CPNE8: variants seen among roughly 807,000 people sequenced by gnomAD.
The protein encoded by CPNE8 is copine-8.
In CPNE8, 45 loss-of-function variants were observed where a neutral mutation model predicts 81.5. That is an observed-to-expected ratio of 0.55 (90% confidence interval 0.44 to 0.71). The LOEUF is 0.71. CPNE8 is among the 30% of genes least tolerant of loss of function. The pLI is 0.00. For synonymous variants in CPNE8, 252 were observed against 226.3 expected, an observed-to-expected ratio of 1.11 and a Z score of -1.02; for missense variants, 594 against 672.1, an observed-to-expected ratio of 0.88 and a Z score of 1.28.
intron 14 of CPNE8, among the ~76,000 whole-genome samples, chr12:38,694,791 T>C (rs1231216833): frequency 6.6e-6 from 1 of 152,180 alleles, no homozygotes; most frequent in Non-Finnish European, 1.5e-5. Flanking sequence ...TGTAGCAGCA[T>C]ATGAACCTCA....
chr12:38,723,121 G>A (rs2136744728), intron 13 of CPNE8, among the ~76,000 whole-genome samples: 1 of 152,198 alleles, frequency 6.6e-6, no homozygotes, highest in Admixed American at 6.5e-5. Flanking sequence ...AGCAGTGTGA[G>A]AACAGACTAA....
chr12:38,821,548 C>G (rs2137007518), intron 6 of CPNE8, among the ~76,000 whole-genome samples: 1 of 152,254 alleles, frequency 6.6e-6, no homozygotes, highest in African/African-American at 2.4e-5. Flanking sequence ...CATGTCACAC[C>G]AAGTCAGAAC....
intron 6 of CPNE8, among the ~76,000 whole-genome samples, chr12:38,785,679 C>G (rs1411938396): frequency 6.6e-6 from 1 of 152,146 alleles, no homozygotes; most frequent in Non-Finnish European, 1.5e-5. Flanking sequence ...ATAATTTACT[C>G]AAGCTCAGGT....
intron 3 of CPNE8, among the ~76,000 whole-genome samples, chr12:38,865,953 C>G (rs1943906834): frequency 6.6e-6 from 1 of 152,186 alleles, no homozygotes; most frequent in East Asian, 1.9e-4. Flanking sequence ...GTTTCTGCCT[C>G]TCTATATCCA....
rs867802462 is a variant in CPNE8, at chr12:38,905,506, C to T, written c.29G>A (p.Gly10Asp). Reference protein sequence around the residue: MDSRYNSTAGIGDLNQLSAA... With the variant: MDSRYNSTADIGDLNQLSAA... ...GCTCAGCTGGTTCAAGTCCCCGATGCCCGCAGTGCTGTTGTAGCGGCTGTC... is the reference window on the plus strand; with the variant it reads ...GCTCAGCTGGTTCAAGTCCCCGATGTCCGCAGTGCTGTTGTAGCGGCTGTC... The change falls in exon 1 of 20, where the codon GGC becomes GAC. Residue 10 changes from glycine (G) to aspartate (D), a missense_variant. Gly to Asp is a moderately conservative substitution (Grantham distance 94, BLOSUM62 -1). Transcript: ENST00000331366. The T allele has an allele frequency of 2.4e-5, 37 of 1,572,154 alleles. No individual in the cohort carries two copies. The highest frequency in any genetic ancestry group is 3.2e-5 in the Non-Finnish European group (37 of 1,158,576).
At chr12:38,813,814 C>T (rs1291045711) in intron 6 of CPNE8, among the ~76,000 whole-genome samples, 1 of 152,044 alleles carries the variant, frequency 6.6e-6, no homozygotes, top group South Asian at 2.1e-4. Context: ...TGAAAACTAT[C>T]GAGAGAGCCA....
intron 13 of CPNE8, among the ~76,000 whole-genome samples, chr12:38,707,159 T>C (rs1940128700): frequency 6.6e-6 from 1 of 151,766 alleles, no homozygotes; most frequent in Admixed American, 6.6e-5. Flanking sequence ...ATAGAAATTT[T>C]AAAAAATAAC....
Position 38,769,489 on chromosome 12 carries a change from G to A in CPNE8, c.472-1751C>T, listed in dbSNP as rs181432948. ...AAATCAAAGGCAGCATTGAAAAGGC[G>A]AGCTGTTTGGTTTAGTTTGTTTATT... is the stretch of plus-strand genomic sequence containing the variant. On this transcript the variant is annotated intron_variant, in intron 7 of 19. Coordinates refer to ENST00000331366, the MANE Select transcript of CPNE8 (RefSeq NM_153634.3). 2.6e-5 allele frequency among the ~76,000 whole-genome samples: 4 copies of A among 152,202 alleles called. No homozygotes were observed. The East Asian group carries it at 7.7e-4, about 29-fold the overall frequency.
intron 1 of CPNE8, 57 bp downstream of exon 1, chr12:38,905,380 G>T (rs1592168917): frequency 6.5e-7 from 1 of 1,532,474 alleles, no homozygotes; most frequent in East Asian, 2.5e-5. Flanking sequence ...CGCTCTCCAA[G>T]TGCTACCAAC....
intron 3 of CPNE8, among the ~76,000 whole-genome samples, chr12:38,857,974 C>A (rs1943771198): frequency 6.6e-6 from 1 of 152,190 alleles, no homozygotes; most frequent in African/African-American, 2.4e-5. Flanking sequence ...TTATTCAGAG[C>A]ATTTACTTTG....
intron 14 of CPNE8, among the ~76,000 whole-genome samples, chr12:38,694,561 A>G (rs958588): frequency 0.099 from 15,124 of 152,192 alleles, 2,499 homozygotes; most frequent in African/African-American, 0.34. Context: ...TGCAGTTATT[A>G]TAGTCTGGGT....
intron 1 of CPNE8, among the ~76,000 whole-genome samples, chr12:38,897,496 A>G (rs1289222252): frequency 6.6e-6 from 1 of 151,998 alleles, no homozygotes. Flanking sequence ...CAACCATATA[A>G]TAGAATACTG....
Position 38,662,519 on chromosome 12 carries a change from G to A in CPNE8, c.1506+8210C>T, listed in dbSNP as rs537588918. 5.9e-5 allele frequency among the ~76,000 whole-genome samples: 9 copies of A among 152,234 alleles called. No homozygotes were observed. In the East Asian group the frequency reaches 1.7e-3, roughly 29 times the overall value. On this transcript the variant is annotated intron_variant, in intron 19 of 19. Coordinates refer to ENST00000331366, the MANE Select transcript of CPNE8 (RefSeq NM_153634.3). Reference sequence around the variant, plus strand: ...GAAGACACAAAAATAAAAATCTCATGTTCATGGATTGGAATAATTAATATT... The same window carrying A: ...GAAGACACAAAAATAAAAATCTCATATTCATGGATTGGAATAATTAATATT...
rs112937651 is a variant in CPNE8 at position 38,654,378 on chromosome 12, G to A, written c.1507-308C>T. Among the ~76,000 whole-genome samples, 386 of 151,804 alleles carry A rather than the reference G, an allele frequency of 2.5e-3. 3 individuals are homozygous for A. The highest frequency in any genetic ancestry group is 8.5e-3 in the African/African-American group (353 of 41,388). On this transcript the variant is annotated intron_variant, in intron 19 of 19. Transcript: ENST00000331366. ...TGAAAATACAAAATTAGCTGGGTGCGGTGGCACACCCTTGTAATCCCAGCT... is the reference window on the plus strand; with the variant it reads ...TGAAAATACAAAATTAGCTGGGTGCAGTGGCACACCCTTGTAATCCCAGCT...
intron 6 of CPNE8, among the ~76,000 whole-genome samples, chr12:38,783,456 C>T (rs1942099220): frequency 6.6e-6 from 1 of 152,114 alleles, no homozygotes; most frequent in African/African-American, 2.4e-5. Context: ...AGAACATTTC[C>T]GTGTGCTGGG....
chr12:38,758,592 G>A lies in CPNE8; in HGVS notation c.722+2255C>T, dbSNP rs148720623. Among the ~76,000 whole-genome samples, 1,069 of 152,208 alleles carry A rather than the reference G, an allele frequency of 7.0e-3. 5 individuals are homozygous for A. The highest frequency in any genetic ancestry group is 0.012 in the Non-Finnish European group (786 of 67,984). The stretch of plus-strand genomic sequence containing the variant: ...TGGTTCCACCATTGATTAGTTTTGC[G>A]ACTTTAGGCAAGTTACTTCTTTGCC... On this transcript the variant is annotated intron_variant, in intron 10 of 19. Coordinates refer to ENST00000331366, the MANE Select transcript of CPNE8 (RefSeq NM_153634.3).
intron 13 of CPNE8, among the ~76,000 whole-genome samples, chr12:38,722,378 C>T (rs1940588093): frequency 6.6e-6 from 1 of 152,028 alleles, no homozygotes; most frequent in Non-Finnish European, 1.5e-5. Flanking sequence ...GCAAAGAGTA[C>T]TCATTTAAGT....
chr12:38,774,178 T>C (rs1158773565), intron 7 of CPNE8, among the ~76,000 whole-genome samples: 1 of 152,160 alleles, frequency 6.6e-6, no homozygotes, highest in Non-Finnish European at 1.5e-5. Flanking sequence ...GGATGCAGCC[T>C]GTCCATACTC....
intron 3 of CPNE8, among the ~76,000 whole-genome samples, chr12:38,850,115 G>A (rs1405388490): frequency 1.3e-5 from 2 of 152,042 alleles, no homozygotes; most frequent in Non-Finnish European, 2.9e-5. Flanking sequence ...GGCAGTGCTC[G>A]CGTACTTCAA....
Sources: allele counts gnomAD v4.1 joint callset (sites outside exome capture counted in the v4.1 genomes callset), GRCh38; gene constraint gnomAD v4.1.1; transcripts MANE v1.5; gene names NCBI Gene and HGNC (gene_info 2026-07-23, HGNC 2026-07-21).